The following USP8 variants were observed in gnomAD, a reference collection of about 807,000 sequenced individuals.
USP8 encodes the protein ubiquitin carboxyl-terminal hydrolase 8.
In USP8, 27 loss-of-function variants were observed where a neutral mutation model predicts 130.0. The observed-to-expected ratio is 0.21, with a 90% CI of 0.15 to 0.29. The LOEUF (loss-of-function observed/expected upper bound fraction) is 0.29. Ranked by LOEUF, USP8 falls within the 10% of genes least tolerant of loss-of-function variation. The pLI, the probability that USP8 is intolerant of heterozygous loss-of-function variation, is 1.00. For synonymous variants in USP8, 392 were observed against 444.1 expected, an observed-to-expected ratio of 0.88 and a Z score of 1.48; for missense variants, 1,029 against 1,312.2, an observed-to-expected ratio of 0.78 and a Z score of 3.33.
chr15:50,495,557 T>G (rs2052365059), intron 16 of USP8, among the ~76,000 whole-genome samples: 1 of 151,998 alleles, frequency 6.6e-6, no homozygotes, highest in African/African-American at 2.4e-5. Flanking sequence ...CTGCCTTGGC[T>G]TCCCAGAATG....
intron 3 of USP8, among the ~76,000 whole-genome samples, chr15:50,445,403 G>C (rs2050394493): frequency 6.8e-6 from 1 of 146,478 alleles, no homozygotes; most frequent in Non-Finnish European, 1.5e-5. Flanking sequence ...AAAATTAGCA[G>C]GGTGTGGTGG....
At chr15:50,467,974 G>A (rs112743474) in intron 7 of USP8, among the ~76,000 whole-genome samples, 13,528 of 150,378 alleles carry the variant, frequency 0.09, 1,320 homozygotes, top group African/African-American at 0.25. Flanking sequence ...TTGCTCTGTC[G>A]CCCAGGCTGG....
chr15:50,499,158 G>C lies in USP8; in HGVS notation c.*70G>C, dbSNP rs921476037. On this transcript the variant is annotated 3_prime_UTR_variant, in exon 20 of 20. Coordinates refer to ENST00000307179, the MANE Select transcript of USP8 (RefSeq NM_005154.5). ...ACACAACTCTTGAAATGCTTATCAG[G>C]ATAATGGTAGCTATAGCTGGCCATT... 3 of 1,445,440 alleles carry C rather than the reference G, an allele frequency of 2.1e-6. No individual in the cohort carries two copies. In the African/African-American group the frequency reaches 4.3e-5, roughly 21 times the overall value. 89.5% of individuals were successfully genotyped at this position (1,445,440 alleles called of 1,614,324 possible). A position where few individuals can be genotyped will look rare whatever the true frequency, so the allele number is the denominator to read the frequency against.
intron 1 of USP8, among the ~76,000 whole-genome samples, chr15:50,430,890 C>T (rs1001878810): frequency 3.9e-5 from 6 of 152,136 alleles, no homozygotes; most frequent in Non-Finnish European, 7.3e-5. Context: ...AGGACACATT[C>T]GGCAATGACT....
At chr15:50,480,222 A>C (rs1317673857) in intron 10 of USP8, among the ~76,000 whole-genome samples, 5 of 152,210 alleles carry the variant, frequency 3.3e-5, no homozygotes, top group African/African-American at 9.6e-5. Flanking sequence ...CATGCTGTTA[A>C]ATTGAGGTAA....
Position 50,459,052 on chromosome 15 carries a change from G to A in USP8, c.388G>A (p.Glu130Lys). 6.2e-7 allele frequency: 1 copy of A among 1,613,904 alleles called. No homozygotes were observed. The highest frequency in any genetic ancestry group is 8.5e-7 in the Non-Finnish European group (1 of 1,180,032). Residue 130 changes from glutamate to lysine, a missense_variant, in exon 5 of 20, where the codon GAA becomes AAA. Transcript: ENST00000307179. ...KKLEEKDRQEEAQRLQQKRQE... is the reference protein window; with the variant it reads ...KKLEEKDRQEKAQRLQQKRQE... ...ACTTGAGGAAAAAGACAGGCAGGAG[G>A]AAGCACAGCGGCTACAACAAAAAAG...
At chr15:50,450,462 C>CTTTTTTTT (rs35800074) in intron 4 of USP8, among the ~76,000 whole-genome samples, 16 of 80,454 alleles carry the variant, frequency 2.0e-4, no homozygotes, top group South Asian at 4.9e-4. Context: ...GTTAGTCATT[C>CTTTTTTTT]TTTTTTTTTT....
At position 50,490,400 on chromosome 15, in the gene USP8, T is replaced by A. The variant is rs2052116047; in HGVS notation, c.2109T>A (p.Pro703=). 2 of 1,614,084 alleles carry A rather than the reference T, an allele frequency of 1.2e-6. No individual in the cohort carries two copies. The highest frequency in any genetic ancestry group is 1.7e-6 in the Non-Finnish European group (2 of 1,180,040). Residue 703 remains proline, a synonymous_variant, in exon 14 of 20, where the codon CCT becomes CCA. Transcript: ENST00000307179. The stretch of plus-strand genomic sequence containing the variant: ...CTCATAAAGCCAAGCCACAGATTCC[T>A]GCTGAGCGGGATAGGGAACCTTCCA... ...PPTHKAKPQI[P]AERDREPSKL... is the part of the protein sequence containing the mutation.
chr15:50,485,545 TAGTGA>T (rs2051925973), intron 12 of USP8, among the ~76,000 whole-genome samples: 1 of 143,768 alleles, frequency 7.0e-6, no homozygotes, highest in Non-Finnish European at 1.5e-5. Context: ...GCATGCAGTT[TAGTGA>T]TTTTTTTTTT....
At position 50,510,679 on chromosome 15, in the gene USP8, A is replaced by G. The variant is rs1056926353; in HGVS notation, c.*11591A>G. The stretch of plus-strand genomic sequence containing the variant: ...TACGTGTGTATAGATGTGCACATAT[A>G]TATGTATAGAGAGTGAAAGTAATAA... On this transcript the variant is annotated 3_prime_UTR_variant, in exon 20 of 20. Transcript: ENST00000307179. 7.9e-5 allele frequency: 12 copies of G among 152,202 alleles called. No individual in the cohort carries two copies. The highest frequency in any genetic ancestry group is 2.7e-4 in the African/African-American group (11 of 41,456). The allele number at this position is 152,202 out of a possible 1,614,324, so 9.4% of individuals were successfully genotyped here. A position where few individuals can be genotyped will look rare whatever the true frequency, so the allele number is the denominator to read the frequency against.
chr15:50,513,910 TC>T lies in USP8; in HGVS notation c.*14824del, dbSNP rs1325205061. On this transcript the variant is annotated 3_prime_UTR_variant, in exon 20 of 20. Coordinates refer to ENST00000307179, the MANE Select transcript of USP8 (RefSeq NM_005154.5). Reference sequence around the variant, plus strand: ...CGTATTTCTGAACCAGGAGTTTCACTCCTAGGTATGTACTCAAAAGAACTGT... The same window carrying T: ...CGTATTTCTGAACCAGGAGTTTCACTCTAGGTATGTACTCAAAAGAACTGT... 1 of 152,164 alleles carries T rather than the reference TC, an allele frequency of 6.6e-6. No individual in the cohort carries two copies. Among genetic ancestry groups the T allele is most frequent in the African/African-American group, 2.4e-5 (1 of 41,438 alleles). 9.4% of individuals were successfully genotyped at this position (152,164 alleles called of 1,614,324 possible). A position where few individuals can be genotyped will look rare whatever the true frequency, so the allele number is the denominator to read the frequency against.
At chr15:50,469,976 C>T (rs917103088) in intron 7 of USP8, among the ~76,000 whole-genome samples, 1 of 152,082 alleles carries the variant, frequency 6.6e-6, no homozygotes, top group Non-Finnish European at 1.5e-5. Flanking sequence ...AGACTCCAGT[C>T]ATGCACCACC....
At chr15:50,489,956 T>C in intron 13 of USP8, 75 bp downstream of exon 13, 2 of 1,216,090 alleles carry the variant, frequency 1.6e-6, no homozygotes. Context: ...TTACATCTTC[T>C]GTAATGCAGA....
chr15:50,450,165 G>C (rs2050580928), intron 4 of USP8, among the ~76,000 whole-genome samples: 1 of 152,054 alleles, frequency 6.6e-6, no homozygotes, highest in African/African-American at 2.4e-5. Flanking sequence ...AAAGTGCTGA[G>C]ATTACAGGCG....
rs1305346350 is a variant in USP8 at position 50,500,321 on chromosome 15, C to A, written c.*1233C>A. 1 of 153,840 alleles carries A rather than the reference C, an allele frequency of 6.5e-6. No homozygotes were observed. Among genetic ancestry groups the A allele is most frequent in the East Asian group, 1.9e-4 (1 of 5,298 alleles). 9.5% of individuals were successfully genotyped at this position (153,840 alleles called of 1,614,324 possible). A position where few individuals can be genotyped will look rare whatever the true frequency, so the allele number is the denominator to read the frequency against. On this transcript the variant is annotated 3_prime_UTR_variant, in exon 20 of 20. Transcript: ENST00000307179. ...TATTTTTGTTTAGCTTCATGAGTATCTTTGGAAAATAATTTGTTGAATATA... is the reference window on the plus strand; with the variant it reads ...TATTTTTGTTTAGCTTCATGAGTATATTTGGAAAATAATTTGTTGAATATA...
chr15:50,493,682 CTGCAGTGAGCCGTGATTG>C, intron 15 of USP8: 1 of 370,734 alleles, frequency 2.7e-6, no homozygotes, highest in Non-Finnish European at 5.3e-6. Flanking sequence ...AAGGTCAAGG[CTGCAGTGAGCCGTGATTG>C]TGCCGCTATA....
chr15:50,450,120 C>T (rs1309584245), intron 4 of USP8, among the ~76,000 whole-genome samples: 2 of 151,900 alleles, frequency 1.3e-5, no homozygotes, highest in Non-Finnish European at 2.9e-5. Context: ...GTCTCGAGCT[C>T]CTGACCTCAA....
intron 12 of USP8, among the ~76,000 whole-genome samples, chr15:50,484,729 G>A (rs1424401937): frequency 6.6e-6 from 1 of 152,136 alleles, no homozygotes; most frequent in East Asian, 1.9e-4. Context: ...GCCAAAAAAT[G>A]GAAGCAACCC....
intron 12 of USP8, among the ~76,000 whole-genome samples, chr15:50,486,232 C>T (rs1246863239): frequency 1.3e-5 from 2 of 152,188 alleles, no homozygotes; most frequent in Admixed American, 1.3e-4. Context: ...CCTGTAATTC[C>T]AGCACTTTGG....
Sources: gnomAD v4.1 joint callset for allele counts (sites outside exome capture counted in the v4.1 genomes callset) on GRCh38, gnomAD v4.1.1 for gene constraint, MANE v1.5 for transcripts, NCBI Gene and HGNC (gene_info 2026-07-23, HGNC 2026-07-21) for gene names.